SYNPR: variants seen among roughly 807,000 people sequenced by gnomAD.
SYNPR encodes the protein synaptoporin.
Under a neutral mutation model 32.9 loss-of-function variants are expected in SYNPR, and 23 were observed. That is an observed-to-expected ratio of 0.70 (90% CI 0.50 to 0.99). The LOEUF (loss-of-function observed/expected upper bound fraction) is 0.99. Among genes scored for constraint, SYNPR ranks in the 50% least tolerant of loss-of-function variants. The probability of loss-of-function intolerance (pLI) is 0.00; values close to 1 mark genes in which losing one functional copy is unlikely to be tolerated. For missense variants in SYNPR, 318 were observed against 349.3 expected, an observed-to-expected ratio of 0.91 and a Z score of 0.71; for synonymous variants, 146 against 135.9, an observed-to-expected ratio of 1.07 and a Z score of -0.52.
chr3:63,346,544 T>G (rs1330651513), intron 2 of SYNPR, among the ~76,000 whole-genome samples: 1 of 152,158 alleles, frequency 6.6e-6, no homozygotes, highest in African/African-American at 2.4e-5. Context: ...TGGTCTCGGC[T>G]CACTGAAACC....
intron 2 of SYNPR, among the ~76,000 whole-genome samples, chr3:63,313,097 T>A (rs1484637000): frequency 6.6e-6 from 1 of 152,034 alleles, no homozygotes; most frequent in Non-Finnish European, 1.5e-5. Flanking sequence ...CATCTAATAA[T>A]ACATTCAAGG....
intron 2 of SYNPR, among the ~76,000 whole-genome samples, chr3:63,355,676 C>A: frequency 6.6e-6 from 1 of 152,028 alleles, no homozygotes; most frequent in East Asian, 1.9e-4. Context: ...TCCCATTCTC[C>A]GTCACCTCCC....
At chr3:63,488,116 G>C (rs1701189672) in intron 3 of SYNPR, among the ~76,000 whole-genome samples, 1 of 152,168 alleles carries the variant, frequency 6.6e-6, no homozygotes, top group Non-Finnish European at 1.5e-5. Context: ...GCCAAGAGCA[G>C]TGATGAGAAA....
intron 2 of SYNPR, among the ~76,000 whole-genome samples, chr3:63,401,692 C>G (rs563648227): frequency 2.6e-5 from 4 of 152,152 alleles, no homozygotes; most frequent in East Asian, 1.9e-4. Context: ...GAGCTATTCT[C>G]TCATGAAGAG....
rs116029493 is a variant in SYNPR, at chr3:63,303,298, G to C, written c.84+24556G>C. On this transcript the variant is annotated intron_variant, in intron 2 of 5. Transcript: ENST00000478300. The stretch of plus-strand genomic sequence containing the variant: ...TTTCTTTCAAGCAGGGTGGTGTAGA[G>C]GGAGGGAGCCTGAGTCTGTTTGTCA... Among the ~76,000 whole-genome samples the C allele has an allele frequency of 9.6e-3, 1,271 of 132,978 alleles. 24 individuals carry two copies. The highest frequency in any genetic ancestry group is 0.032 in the African/African-American group (1,144 of 35,874). The allele number at this position is 132,978 out of a possible 152,430, so 87.2% of individuals were successfully genotyped here.
intron 2 of SYNPR, among the ~76,000 whole-genome samples, chr3:63,348,992 G>A (rs181977013): frequency 1.8e-3 from 277 of 152,028 alleles, no homozygotes; most frequent in Non-Finnish European, 2.9e-3. Context: ...TTTGACTTTT[G>A]GTCTCTTTTT....
At chr3:63,207,869 G>A in the SYNPR span, among the ~76,000 whole-genome samples, 1 of 152,016 alleles carries the variant, frequency 6.6e-6, no homozygotes, top group African/African-American at 2.4e-5. Flanking sequence ...TAAAACCCAA[G>A]AGGCTTCTTC....
intron 2 of SYNPR, among the ~76,000 whole-genome samples, chr3:63,360,169 T>C (rs1249391670): frequency 2.0e-5 from 3 of 152,164 alleles, no homozygotes; most frequent in East Asian, 1.9e-4. Flanking sequence ...CCTCTATTCT[T>C]GTAAACATAC....
At chr3:63,612,463 C>T (rs1009203719) in intron 5 of SYNPR, among the ~76,000 whole-genome samples, 7 of 152,196 alleles carry the variant, frequency 4.6e-5, no homozygotes, top group Non-Finnish European at 2.9e-5. Context: ...AATCTTAGTA[C>T]ATCTTTTTAG....
chr3:63,615,339 C>A lies in SYNPR; in HGVS notation c.716C>A (p.Ser239Tyr). ...CTTTCAGATCCAATGGAGAAGCACT[C>A]CAGCAGCTATAATCAAGGTGGTTAC... ...RYLSDPMEKH[S>Y]SSYNQGGYNQ... Residue 239 changes from serine to tyrosine, a missense_variant, in exon 6 of 6, where the codon TCC (serine) becomes TAC (tyrosine). Coordinates refer to ENST00000478300, the MANE Select transcript of SYNPR (RefSeq NM_001130003.2). 1.2e-6 allele frequency: 2 copies of A among 1,613,870 alleles called. No individual in the cohort carries two copies. Among genetic ancestry groups the A allele is most frequent in the South Asian group, 2.2e-5 (2 of 91,046 alleles).
chr3:63,493,049 T>G (rs576015472), intron 3 of SYNPR, among the ~76,000 whole-genome samples: 1 of 152,210 alleles, frequency 6.6e-6, no homozygotes, highest in East Asian at 1.9e-4. Context: ...CTCTGCTTCC[T>G]TCTATTCCTG....
rs569090967 is a variant in SYNPR at position 63,613,139 on chromosome 3, C to T, written c.601-2085C>T. Among the ~76,000 whole-genome samples, 12 of 141,156 alleles carry T rather than the reference C, an allele frequency of 8.5e-5. No individual in the cohort carries two copies. The South Asian group carries it at 2.6e-3, about 31-fold the overall frequency. 92.6% of individuals were successfully genotyped at this position (141,156 alleles called of 152,430 possible). A position where few individuals can be genotyped will look rare whatever the true frequency, so the allele number is the denominator to read the frequency against. ...TACCTGGGACTACAGGCATGTGCTG[C>T]CATGCTCAGCTAATTTTTTTTTTTT... On this transcript the variant is annotated intron_variant, in intron 5 of 5. Coordinates refer to ENST00000478300, the MANE Select transcript of SYNPR (RefSeq NM_001130003.2).
At chr3:63,410,044 A>G (rs946211396) in intron 2 of SYNPR, among the ~76,000 whole-genome samples, 1 of 151,872 alleles carries the variant, frequency 6.6e-6, no homozygotes, top group Non-Finnish European at 1.5e-5. Context: ...AACAAAAAAA[A>G]CACTTTGTTG....
At chr3:63,574,165 G>T (rs1050852515) in intron 4 of SYNPR, among the ~76,000 whole-genome samples, 1 of 152,170 alleles carries the variant, frequency 6.6e-6, no homozygotes, top group African/African-American at 2.4e-5. Flanking sequence ...TATTTGGGGA[G>T]CAAGTCCCTT....
chr3:63,540,777 G>A (rs974387701), intron 3 of SYNPR, among the ~76,000 whole-genome samples: 6 of 151,966 alleles, frequency 3.9e-5, no homozygotes, highest in East Asian at 1.9e-4. Flanking sequence ...ATTTGCTAGA[G>A]GAGAGACACA....
chr3:63,288,862 T>G (rs967306769), intron 2 of SYNPR, among the ~76,000 whole-genome samples: 2 of 152,162 alleles, frequency 1.3e-5, no homozygotes, highest in African/African-American at 4.8e-5. Flanking sequence ...AAGAGGAATT[T>G]GTTGATGAGC....
intron 4 of SYNPR, among the ~76,000 whole-genome samples, chr3:63,568,446 A>G (rs1702831101): frequency 6.6e-6 from 1 of 152,106 alleles, no homozygotes; most frequent in Non-Finnish European, 1.5e-5. Flanking sequence ...CAAGACATAC[A>G]CAAGTCCCTT....
intron 3 of SYNPR, among the ~76,000 whole-genome samples, chr3:63,545,977 T>C (rs546676321): frequency 1.3e-5 from 2 of 152,276 alleles, no homozygotes; most frequent in African/African-American, 2.4e-5. Context: ...GAATAAGCCG[T>C]TGTCAACCGG....
chr3:63,263,926 C>T (rs995832309), intron 2 of SYNPR, among the ~76,000 whole-genome samples: 7 of 152,230 alleles, frequency 4.6e-5, no homozygotes, highest in East Asian at 1.9e-4. Context: ...ATTTTGGGGC[C>T]GTGTTTCAAA....
Sources: gnomAD v4.1 joint callset for allele counts (sites outside exome capture counted in the v4.1 genomes callset) on GRCh38, gnomAD v4.1.1 for gene constraint, MANE v1.5 for transcripts, NCBI Gene and HGNC (gene_info 2026-07-23, HGNC 2026-07-21) for gene names.